The following MAP7D1 variants were observed in gnomAD, a reference collection of about 807,000 sequenced individuals.
MAP7D1 encodes MAP7 domain containing 1.
MAP7D1 carries 30 observed loss-of-function variants against 97.5 expected under a neutral mutation model. The observed-to-expected ratio is 0.31, with a 90% CI of 0.23 to 0.42. The LOEUF is 0.42. Among genes scored for constraint, MAP7D1 ranks in the 10% least tolerant of loss-of-function variants. MAP7D1 has a pLI of 1.00. For missense variants in MAP7D1, 1,184 were observed against 1,179.5 expected, an observed-to-expected ratio of 1.00 and a Z score of -0.06; for synonymous variants, 536 against 477.1, an observed-to-expected ratio of 1.12 and a Z score of -1.61.
At chr1:36,173,581 G>A in intron 5 of MAP7D1, 103 bp downstream of exon 5, 1 of 800,698 alleles carries the variant, frequency 1.2e-6, no homozygotes, top group Non-Finnish European at 2.0e-6. Context: ...CCCTGCAGCA[G>A]GTGTGCCTTG....
chr1:36,177,772 G>T lies in MAP7D1; in HGVS notation c.1380-101G>T, dbSNP rs546543222. ...GAGCAAGGGGGCGGGGGGCGGCGCT[G>T]ATGTAGCCTGGGGGAGGGGGCACCT... On this transcript the variant is annotated intron_variant, in intron 8 of 16. Transcript: ENST00000474796. The T allele has an allele frequency of 5.5e-5, 81 of 1,473,884 alleles. No individual in the cohort carries two copies. In the African/African-American group the frequency reaches 9.7e-4, roughly 18 times the overall value. The allele number at this position is 1,473,884 out of a possible 1,614,324, so 91.3% of individuals were successfully genotyped here.
chr1:36,175,933 G>A (rs974600894), intron 6 of MAP7D1, among the ~76,000 whole-genome samples: 5 of 152,218 alleles, frequency 3.3e-5, no homozygotes, highest in Non-Finnish European at 7.3e-5. Flanking sequence ...GCGCCGTTCA[G>A]GGCCCCTTCA....
chr1:36,174,050 G>A (rs1644583867), intron 5 of MAP7D1, among the ~76,000 whole-genome samples: 1 of 152,168 alleles, frequency 6.6e-6, no homozygotes, highest in Admixed American at 6.5e-5. Flanking sequence ...ACCTCAGTGA[G>A]GGCTCCTAAG....
rs1260022461 is a variant in MAP7D1 at position 36,159,263 on chromosome 1, G to C, written c.46+2800G>C. Among the ~76,000 whole-genome samples, 1 of 152,096 alleles carries C rather than the reference G, an allele frequency of 6.6e-6. No individual in the cohort carries two copies. The highest frequency in any genetic ancestry group is 1.5e-5 in the Non-Finnish European group (1 of 68,024). On this transcript the variant is annotated intron_variant, in intron 1 of 16. Transcript: ENST00000474796. This position sits in a 1 kb window ranked among gnomAD's most constrained non-coding sequence, Gnocchi z 5.4. ...AGTAGAGACAGGGTTTTGCCACATT[G>C]GCCGGGCTGGTCTCGAACTCCTGAC...
intron 12 of MAP7D1, 82 bp downstream of exon 12, chr1:36,179,107 A>G (rs1441304384): frequency 2.0e-6 from 3 of 1,505,960 alleles, no homozygotes; most frequent in East Asian, 4.9e-5. Context: ...TAGAGCGGAC[A>G]GGACGGGAAA....
intron 13 of MAP7D1, 82 bp downstream of exon 13, chr1:36,179,397 G>T: frequency 2.5e-6 from 4 of 1,587,110 alleles, no homozygotes; most frequent in Non-Finnish European, 3.4e-6. Flanking sequence ...CCATGGCCAC[G>T]GAGAGCGAGG....
At chr1:36,156,509 G>C in intron 1 of MAP7D1, 46 bp downstream of exon 1, 1 of 1,365,382 alleles carries the variant, frequency 7.3e-7, no homozygotes, top group Non-Finnish European at 9.4e-7. Context: ...AGATGGAGGG[G>C]CTGCAGGGCG....
In MAP7D1 at chr1:36,178,565, C is replaced by G; in HGVS notation, c.1855C>G (p.Gln619Glu). Residue 619 changes from glutamine to glutamate, a missense_variant, in exon 10 of 17, where the codon CAG becomes GAG. Physicochemically the swap from Gln to Glu is conservative, Grantham distance 29. Coordinates refer to ENST00000474796, the MANE Select transcript of MAP7D1 (RefSeq NM_001388490.1). Reference protein sequence around the residue: ...QAREQREREEQERRLQAERDK... With the variant: ...QAREQREREEEERRLQAERDK... ...CCGGGAGCAGCGGGAGCGCGAGGAG[C>G]AGGAGCGGAGGCTGCAGGCAGAAAG... The G allele has an allele frequency of 6.3e-7, 1 of 1,591,972 alleles. No homozygotes were observed. Among genetic ancestry groups the G allele is most frequent in the South Asian group, 1.1e-5 (1 of 88,838 alleles).
In MAP7D1 at chr1:36,158,816, AT is replaced by A. The variant is rs145924747; in HGVS notation, c.46+2357del. On this transcript the variant is annotated intron_variant, in intron 1 of 16. Transcript: ENST00000474796. ...GAAGTCGATTTGTTTAAGAGTGTAG[AT>A]TTTGGAATTAAACAGTTTAAGTCTC... Among the ~76,000 whole-genome samples the A allele has an allele frequency of 0.014, 2,177 of 152,188 alleles. 111 individuals are homozygous for A. The East Asian group carries it at 0.18, about 12-fold the overall frequency.
Position 36,159,501 on chromosome 1 carries a change from G to T in MAP7D1, c.46+3038G>T, listed in dbSNP as rs272829. Among the ~76,000 whole-genome samples, 27,881 of 152,034 alleles carry T rather than the reference G, an allele frequency of 0.18. 5,932 individuals carry two copies. The highest frequency in any genetic ancestry group is 0.48 in the African/African-American group (19,749 of 41,380). On this transcript the variant is annotated intron_variant, in intron 1 of 16. Coordinates refer to ENST00000474796, the MANE Select transcript of MAP7D1 (RefSeq NM_001388490.1). This position sits in a 1 kb window ranked among gnomAD's most constrained non-coding sequence, Gnocchi z 5.4. Reference sequence around the variant, plus strand: ...ATGAGCTAGGGTGTATCCAGGGAACGGAGGGGCCCCATACCTGAAGTGGAA... The same window carrying T: ...ATGAGCTAGGGTGTATCCAGGGAACTGAGGGGCCCCATACCTGAAGTGGAA...
At chr1:36,169,298 T>A (rs1362994808) in intron 1 of MAP7D1, among the ~76,000 whole-genome samples, 2 of 148,964 alleles carry the variant, frequency 1.3e-5, no homozygotes, top group Non-Finnish European at 3.0e-5. Flanking sequence ...GGCTCACGCC[T>A]GTAATCCCAG....
rs1323677275 is a variant in MAP7D1 at position 36,159,661 on chromosome 1, C to T, written c.46+3198C>T. ...AGAAGTGAATCAGACGGAGTTTTGACTCTTGGGGAGCTCTTAACGCGGCGA... is the reference window on the plus strand; with the variant it reads ...AGAAGTGAATCAGACGGAGTTTTGATTCTTGGGGAGCTCTTAACGCGGCGA... On this transcript the variant is annotated intron_variant, in intron 1 of 16. Transcript: ENST00000474796. This position sits in a 1 kb window ranked among gnomAD's most constrained non-coding sequence, Gnocchi z 5.4. 1.3e-5 allele frequency among the ~76,000 whole-genome samples: 2 copies of T among 152,178 alleles called. No individual in the cohort carries two copies. Among genetic ancestry groups the T allele is most frequent in the Non-Finnish European group, 2.9e-5 (2 of 68,026 alleles).
At chr1:36,161,092 T>C (rs1306503152) in intron 1 of MAP7D1, among the ~76,000 whole-genome samples, 2 of 152,204 alleles carry the variant, frequency 1.3e-5, no homozygotes, top group Non-Finnish European at 2.9e-5. Context: ...CTGGGAACAA[T>C]GGCCGCCAGC....
At position 36,174,881 on chromosome 1, in the gene MAP7D1, G is replaced by A. The variant is rs765941641; in HGVS notation, c.740-17G>A. The A allele has an allele frequency of 1.3e-6, 2 of 1,551,398 alleles. No individual in the cohort carries two copies. Among genetic ancestry groups the A allele is most frequent in the East Asian group, 2.2e-5 (1 of 44,562 alleles). On this transcript the variant is annotated splice_polypyrimidine_tract_variant and intron_variant, in intron 5 of 16. Coordinates refer to ENST00000474796, the MANE Select transcript of MAP7D1 (RefSeq NM_001388490.1). ...CTGCCGGGCCCGGCCCTAATGCCGT[G>A]TCTTTTCCCCCTCCAGGTGGGAGCA...
chr1:36,171,933 TCAAA>T, intron 3 of MAP7D1: 1 of 8,970 alleles, frequency 1.1e-4, no homozygotes, highest in Non-Finnish European at 2.5e-4. Context: ...AAACTCCGTC[TCAAA>T]AAAAAAAAAA....
Position 36,176,804 on chromosome 1 carries a change from A to C in MAP7D1, c.1341A>C (p.Pro447=). Residue 447 remains proline (P), a synonymous_variant, in exon 8 of 17, where the codon CCA becomes CCC. Coordinates refer to ENST00000474796, the MANE Select transcript of MAP7D1 (RefSeq NM_001388490.1). The surrounding 1 kb of genome is among the most constrained non-coding windows in gnomAD (Gnocchi z 6.1). ...AGCGCCAGTCGCTGCCCGCCTCCCC[A>C]CGTGCCCGCCTCTCTGCCAGCACCG... ...LKKRQSLPAS[P]RARLSASTAS... is the part of the protein sequence containing the mutation. The C allele has an allele frequency of 6.3e-7, 1 of 1,593,454 alleles. No individual in the cohort carries two copies. The highest frequency in any genetic ancestry group is 8.5e-7 in the Non-Finnish European group (1 of 1,171,216).
chr1:36,174,115 G>A (rs1186713538), intron 5 of MAP7D1, among the ~76,000 whole-genome samples: 3 of 152,112 alleles, frequency 2.0e-5, no homozygotes, highest in Non-Finnish European at 4.4e-5. Context: ...TTAACTTCTC[G>A]AAGTCTCACT....
intron 1 of MAP7D1, among the ~76,000 whole-genome samples, chr1:36,166,878 T>C (rs916135135): frequency 1.3e-5 from 2 of 152,122 alleles, no homozygotes; most frequent in African/African-American, 4.8e-5. Context: ...AAGGATTTGC[T>C]GAGAGATTAG....
Position 36,173,411 on chromosome 1 carries a change from C to T in MAP7D1, c.672C>T (p.Ala224=), listed in dbSNP as rs758402818. ...AIQRSVKKTW[A]EIRQQRWSWA... is the part of the protein sequence containing the mutation. ...AACGGTCAGTGAAGAAGACGTGGGCCGAAATCCGGCAGCAGCGCTGGTCCT... is the reference window on the plus strand; with the variant it reads ...AACGGTCAGTGAAGAAGACGTGGGCTGAAATCCGGCAGCAGCGCTGGTCCT... Residue 224 remains alanine, a synonymous_variant, in exon 5 of 17, where the codon GCC becomes GCT. Transcript: ENST00000474796. The T allele has an allele frequency of 1.7e-5, 28 of 1,614,056 alleles. No individual in the cohort carries two copies. In the East Asian group the frequency reaches 2.2e-4, roughly 13 times the overall value.
Sources: gnomAD v4.1 joint callset for allele counts (sites outside exome capture counted in the v4.1 genomes callset) on GRCh38, gnomAD v4.1.1 for gene constraint, Gnocchi (gnomAD v3.1) non-coding constraint, MANE v1.5 for transcripts, NCBI Gene and HGNC (gene_info 2026-07-23, HGNC 2026-07-21) for gene names.